GRM8: variants seen among roughly 807,000 people sequenced by gnomAD.
The protein encoded by GRM8 is glutamate metabotropic receptor 8, also known as metabotropic glutamate receptor 8.
In GRM8, 47 loss-of-function variants were observed where a neutral mutation model predicts 87.2. That is an observed-to-expected ratio of 0.54 (90% CI 0.43 to 0.69). The LOEUF is 0.69. Among genes scored for constraint, GRM8 ranks in the 30% least tolerant of loss-of-function variants. The pLI is 0.00. For missense variants in GRM8, 1,019 were observed against 1,139.2 expected (o/e 0.89, Z 1.52); for synonymous variants, 396 against 404.5 (o/e 0.98, Z 0.25).
At chr7:126,610,111 A>C (rs74981778) in intron 7 of GRM8, among the ~76,000 whole-genome samples, 20 of 152,352 alleles carry the variant, frequency 1.3e-4, no homozygotes, top group African/African-American at 3.8e-4. Context: ...TCACAGTGAC[A>C]GGTCTAACAG....
rs80083268 is a variant in GRM8 at position 126,605,588 on chromosome 7, C to G, written c.1494+3774G>C. Among the ~76,000 whole-genome samples the G allele has an allele frequency of 6.6e-5, 10 of 151,938 alleles. No individual in the cohort carries two copies. In the East Asian group the frequency reaches 1.4e-3, roughly 21 times the overall value. ...CATTCCAATATGCCTAACCATATAC[C>G]CTCTTTGTACAAATTTATACTATGG... On this transcript the variant is annotated intron_variant, in intron 8 of 10. Transcript: ENST00000339582.
At chr7:126,508,553 T>C (rs1810849207) in intron 9 of GRM8, among the ~76,000 whole-genome samples, 1 of 152,030 alleles carries the variant, frequency 6.6e-6, no homozygotes, top group African/African-American at 2.4e-5. Context: ...ATTCCAACCA[T>C]GGCAACAATA....
intron 8 of GRM8, among the ~76,000 whole-genome samples, chr7:126,562,463 G>T (rs1345518583): frequency 6.6e-6 from 1 of 152,150 alleles, no homozygotes; most frequent in East Asian, 1.9e-4. Flanking sequence ...TTATATTGAG[G>T]TTCAAAGAAA....
intron 2 of GRM8, among the ~76,000 whole-genome samples, chr7:127,210,609 G>A (rs1796157860): frequency 6.6e-6 from 1 of 152,096 alleles, no homozygotes; most frequent in Non-Finnish European, 1.5e-5. Context: ...TTTTTTCTGT[G>A]GAAAAAGCAC....
rs142165320 is a variant in GRM8, at chr7:127,163,689, G to A, written c.511-56977C>T. 3.3e-3 allele frequency among the ~76,000 whole-genome samples: 510 copies of A among 152,246 alleles called. 9 individuals carry two copies. Among genetic ancestry groups the A allele is most frequent in the Admixed American group, 0.027 (416 of 15,286 alleles). On this transcript the variant is annotated intron_variant, in intron 2 of 10. Transcript: ENST00000339582. ...GGACAAAGTGATATTTAAATGAAGC[G>A]TGTTTGGTCATGATTTGATAACCGT...
chr7:126,661,412 A>C (rs1805154511), intron 7 of GRM8, among the ~76,000 whole-genome samples: 1 of 152,158 alleles, frequency 6.6e-6, no homozygotes, highest in South Asian at 2.1e-4. Flanking sequence ...GTTTTAAAAA[A>C]CTCAGGTTTC....
chr7:127,083,176 A>T (rs1823057642), intron 3 of GRM8, among the ~76,000 whole-genome samples: 1 of 152,220 alleles, frequency 6.6e-6, no homozygotes, highest in Non-Finnish European at 1.5e-5. Flanking sequence ...AATATTTTTT[A>T]AAATATTAGT....
At chr7:126,951,009 G>A (rs1209629481) in intron 3 of GRM8, among the ~76,000 whole-genome samples, 2 of 151,658 alleles carry the variant, frequency 1.3e-5, no homozygotes, top group Non-Finnish European at 2.9e-5. Flanking sequence ...TATCTGCAAG[G>A]GAAAGTGGTA....
chr7:126,828,099 C>T (rs1438647824), intron 6 of GRM8, among the ~76,000 whole-genome samples: 1 of 152,096 alleles, frequency 6.6e-6, no homozygotes, highest in Non-Finnish European at 1.5e-5. Flanking sequence ...TGATGTGCTG[C>T]TGGATTCGTT....
At chr7:126,935,199 G>T (rs1422601326) in intron 3 of GRM8, among the ~76,000 whole-genome samples, 1 of 152,076 alleles carries the variant, frequency 6.6e-6, no homozygotes, top group East Asian at 1.9e-4. Flanking sequence ...TAAAAACAAA[G>T]CATGAAACTA....
At chr7:127,232,080 T>C (rs2116814022) in intron 2 of GRM8, among the ~76,000 whole-genome samples, 1 of 152,242 alleles carries the variant, frequency 6.6e-6, no homozygotes, top group African/African-American at 2.4e-5. Context: ...GGCTGGAACA[T>C]GAGCTGATGA....
chr7:127,084,353 T>C (rs1823225465), intron 3 of GRM8: 2 of 152,234 alleles, frequency 1.3e-5, no homozygotes, highest in Non-Finnish European at 2.9e-5. Context: ...AGTTGGAATA[T>C]TTTAAGAAAA....
At position 126,764,402 on chromosome 7, in the gene GRM8, G is replaced by C. The variant is rs1451591458; in HGVS notation, c.1357+5463C>G. On this transcript the variant is annotated intron_variant, in intron 7 of 10. Transcript: ENST00000339582. ...ATGACTTTACACAATCTTATGAAAT[G>C]TTTATTATTGTCTTATTTGACCTAT... Among the ~76,000 whole-genome samples, 2 of 151,844 alleles carry C rather than the reference G, an allele frequency of 1.3e-5. 1 individual carries two copies. The highest frequency in any genetic ancestry group is 4.1e-4 in the South Asian group (2 of 4,824).
intron 2 of GRM8, among the ~76,000 whole-genome samples, chr7:127,141,254 C>T (rs1828241321): frequency 6.6e-6 from 1 of 151,674 alleles, no homozygotes; most frequent in Non-Finnish European, 1.5e-5. Flanking sequence ...ATCCCACCCA[C>T]ACAACTGAGG....
At chr7:126,626,799 C>T (rs956030910) in intron 7 of GRM8, among the ~76,000 whole-genome samples, 11 of 152,214 alleles carry the variant, frequency 7.2e-5, no homozygotes, top group African/African-American at 2.4e-4. Context: ...GCAGGAGGAT[C>T]GCTTGACCCC....
intron 3 of GRM8, among the ~76,000 whole-genome samples, chr7:127,081,578 T>C (rs1268125866): frequency 1.5e-5 from 2 of 137,226 alleles, no homozygotes; most frequent in Non-Finnish European, 3.1e-5. Context: ...ACTGTGGCCT[T>C]CATGGGTAAA....
At chr7:126,823,608 C>G (rs1219038546) in intron 6 of GRM8, among the ~76,000 whole-genome samples, 3 of 152,206 alleles carry the variant, frequency 2.0e-5, no homozygotes, top group Non-Finnish European at 2.9e-5. Flanking sequence ...AGTTACATAT[C>G]TGGTTTAGCC....
chr7:127,081,367 A>G (rs1322883459), intron 3 of GRM8, among the ~76,000 whole-genome samples: 1 of 152,226 alleles, frequency 6.6e-6, no homozygotes, highest in Non-Finnish European at 1.5e-5. Flanking sequence ...TCACAATGCA[A>G]TGCAGATATT....
At chr7:127,082,551 G>A (rs1054166710) in intron 3 of GRM8, among the ~76,000 whole-genome samples, 1 of 152,098 alleles carries the variant, frequency 6.6e-6, no homozygotes, top group African/African-American at 2.4e-5. Context: ...TTAGTTCAAT[G>A]TGCAAAGCAT....
Sources: allele counts gnomAD v4.1 joint callset (sites outside exome capture counted in the v4.1 genomes callset), GRCh38; gene constraint gnomAD v4.1.1; transcripts MANE v1.5; gene names NCBI Gene and HGNC (gene_info 2026-07-23, HGNC 2026-07-21).